Variants in RBP3 observed in about 807,000 individuals in gnomAD.
RBP3 encodes the protein retinol binding protein 3, also known as retinol-binding protein 3.
A neutral mutation model predicts 64.8 loss-of-function variants in RBP3; 50 were observed. That is an observed-to-expected ratio of 0.77 (90% CI 0.61 to 0.98). The LOEUF (loss-of-function observed/expected upper bound fraction) is 0.98. RBP3 is among the 50% of genes least tolerant of loss of function. The pLI is 0.00. For missense variants in RBP3, 1,712 were observed against 1,660.5 expected, an observed-to-expected ratio of 1.03 and a Z score of -0.54; for synonymous variants, 828 against 730.2, an observed-to-expected ratio of 1.13 and a Z score of -2.16.
At chr10:47,353,615 C>T in intron 2 of RBP3, 100 bp downstream of exon 2, 1 of 1,415,846 alleles carries the variant, frequency 7.1e-7, no homozygotes, top group Non-Finnish European at 9.9e-7. Flanking sequence ...AACCCTGTGA[C>T]ACAGCAGAGG....
In RBP3 at chr10:47,348,987, A is replaced by G. The variant is rs1555210933; in HGVS notation, c.503A>G (p.Asp168Gly). ...ATGGGCACCTCCGCCTTAGTGCTGG[A>G]TCTCCGGCACTGCACAGGAGGCCAG... ...NLMGTSALVL[D>G]LRHCTGGQVS... is the part of the protein sequence containing the mutation. The change falls in exon 1 of 4, where the codon GAT becomes GGT. Residue 168 changes from aspartate (D) to glycine (G), a missense_variant. Asp to Gly is a moderately conservative substitution (Grantham distance 94). Coordinates refer to ENST00000584701, the MANE Select transcript of RBP3 (RefSeq NM_002900.3). The G allele has an allele frequency of 6.2e-7, 1 of 1,613,914 alleles. No individual in the cohort carries two copies. Among genetic ancestry groups the G allele is most frequent in the East Asian group, 2.2e-5 (1 of 44,860 alleles).
intron 3 of RBP3, 31 bp from the exon 4 acceptor site, chr10:47,357,071 C>T: frequency 6.3e-7 from 1 of 1,592,522 alleles, no homozygotes; most frequent in South Asian, 1.1e-5. Context: ...CCTGACATGA[C>T]CCCCATCCTG....
chr10:47,352,670 G>C (rs1401217885), intron 1 of RBP3, among the ~76,000 whole-genome samples: 3 of 152,222 alleles, frequency 2.0e-5, no homozygotes, highest in Non-Finnish European at 1.5e-5. Context: ...CTTAGAGAGG[G>C]AGGAGGAGGT....
In RBP3 at chr10:47,348,712, C is replaced by T. The variant is rs564044501; in HGVS notation, c.228C>T (p.Ala76=). The part of the protein sequence containing the change: ...DPQTLASVLT[A]GVQSSLNDPR... ...AGACGCTGGCCAGTGTGCTGACAGCCGGGGTGCAGAGCTCCCTGAACGATC... is the reference window on the plus strand; with the variant it reads ...AGACGCTGGCCAGTGTGCTGACAGCTGGGGTGCAGAGCTCCCTGAACGATC... The change falls in exon 1 of 4, where the codon GCC becomes GCT. Residue 76 remains alanine (A), a synonymous_variant. Transcript: ENST00000584701. 1.5e-5 allele frequency: 24 copies of T among 1,613,600 alleles called. No homozygotes were observed. The highest frequency in any genetic ancestry group is 5.5e-5 in the South Asian group (5 of 91,080).
chr10:47,353,026 T>C (rs782266110), intron 1 of RBP3, among the ~76,000 whole-genome samples: 20 of 152,048 alleles, frequency 1.3e-4, no homozygotes, highest in Non-Finnish European at 2.4e-4. Flanking sequence ...ATAGGAAGTA[T>C]CTGGTAAGGT....
intron 2 of RBP3, among the ~76,000 whole-genome samples, chr10:47,353,982 A>T (rs1169022931): frequency 6.6e-6 from 1 of 152,216 alleles, no homozygotes; most frequent in Non-Finnish European, 1.5e-5. Flanking sequence ...CTCACATCAT[A>T]CAAAATCAAC....
rs532562665 is a variant in RBP3 at position 47,349,897 on chromosome 10, G to A, written c.1413G>A (p.Thr471=). 5.6e-6 allele frequency: 9 copies of A among 1,613,142 alleles called. No individual in the cohort carries two copies. In the East Asian group the frequency reaches 6.7e-5, roughly 12 times the overall value. Residue 471 remains threonine (T), a synonymous_variant, in exon 1 of 4, where the codon ACG becomes ACA. Coordinates refer to ENST00000584701, the MANE Select transcript of RBP3 (RefSeq NM_002900.3). ...LRQVWEPLQD[T]EHLIMDLRHN... ...AGGTGTGGGAGCCGCTACAGGACAC[G>A]GAGCACCTCATCATGGACCTGCGCC... is the stretch of plus-strand genomic sequence containing the variant.
At chr10:47,355,612 AC>A in intron 3 of RBP3, 94 bp downstream of exon 3, 2 of 1,524,480 alleles carry the variant, frequency 1.3e-6, no homozygotes, top group South Asian at 1.2e-5. Flanking sequence ...AGTCATAGTA[AC>A]CAGAATGTAA....
chr10:47,349,795 C>T lies in RBP3; in HGVS notation c.1311C>T (p.Gly437=). The T allele has an allele frequency of 1.9e-6, 3 of 1,613,266 alleles. No individual in the cohort carries two copies. The highest frequency in any genetic ancestry group is 1.6e-4 in the Middle Eastern group (1 of 6,062). Residue 437 remains glycine (G), a synonymous_variant, in exon 1 of 4, where the codon GGC becomes GGT. Transcript: ENST00000584701. ...DSVFQVSVLP[G]NVGYLRFDSF... ...TGTTCCAGGTGTCGGTGCTGCCAGG[C>T]AATGTGGGCTACCTGCGCTTCGATA...
intron 3 of RBP3, among the ~76,000 whole-genome samples, 172 bp downstream of exon 3, chr10:47,355,690 G>T (rs1837037521): frequency 6.6e-6 from 1 of 152,108 alleles, no homozygotes; most frequent in Non-Finnish European, 1.5e-5. Context: ...GTATCACTAT[G>T]CCCGTTTTCT....
chr10:47,353,292 C>A, intron 1 of RBP3, 33 bp from the exon 2 acceptor site: 1 of 1,610,126 alleles, frequency 6.2e-7, no homozygotes, highest in South Asian at 1.1e-5. Context: ...GGCTGCTCCT[C>A]CTGACACTGA....
In RBP3 at chr10:47,350,731, C is replaced by G; in HGVS notation, c.2247C>G (p.Asp749Glu). 1.2e-6 allele frequency: 2 copies of G among 1,613,170 alleles called. No homozygotes were observed. The highest frequency in any genetic ancestry group is 2.2e-5 in the East Asian group (1 of 44,870). The stretch of plus-strand genomic sequence containing the variant: ...GCCAGCTGGGCTACCTGCGTTTTGA[C>G]GCCATGGCTGAACTGGAGACAGTGA... ...LPGQLGYLRF[D>E]AMAELETVKA... Residue 749 changes from aspartate to glutamate, a missense_variant, in exon 1 of 4, where the codon GAC becomes GAG. Physicochemically the swap from Asp to Glu is conservative, Grantham distance 45. Transcript: ENST00000584701.
chr10:47,348,375 C>T lies in RBP3; in HGVS notation c.-110C>T. The T allele has an allele frequency of 7.7e-7, 1 of 1,293,660 alleles. No homozygotes were observed. Among genetic ancestry groups the T allele is most frequent in the Admixed American group, 2.0e-5 (1 of 50,560 alleles). 80.1% of individuals were successfully genotyped at this position (1,293,660 alleles called of 1,614,324 possible). On this transcript the variant is annotated 5_prime_UTR_variant, in exon 1 of 4. Coordinates refer to ENST00000584701, the MANE Select transcript of RBP3 (RefSeq NM_002900.3). The stretch of plus-strand genomic sequence containing the variant: ...GGAGTTTAGCCCCAGACCTTCTGTC[C>T]ACCAGCTGAGAAGGACAAGGGCGGA...
rs146107077 is a variant in RBP3 at position 47,355,613 on chromosome 10, C to G, written c.3388+95C>G. On this transcript the variant is annotated intron_variant, in intron 3 of 3. Coordinates refer to ENST00000584701, the MANE Select transcript of RBP3 (RefSeq NM_002900.3). ...TGGGTGTAGGTAAAAGTCATAGTAA[C>G]CAGAATGTAAGGCCCTGTCCTAGTC... 1,611 of 1,521,732 alleles carry G rather than the reference C, an allele frequency of 1.1e-3. 36 individuals are homozygous for G. In the East Asian group the frequency reaches 0.03, roughly 28 times the overall value. 94.3% of individuals were successfully genotyped at this position (1,521,732 alleles called of 1,614,324 possible).
Position 47,349,167 on chromosome 10 carries a change from T to C in RBP3, c.683T>C (p.Val228Ala). The stretch of plus-strand genomic sequence containing the variant: ...AGGTACGGTGCCGACAAGGATGTGG[T>C]GGTCCTCACCAGCAGCCAGACCAGG... ...GERYGADKDV[V>A]VLTSSQTRGV... Residue 228 changes from valine (V) to alanine (A), a missense_variant, in exon 1 of 4, where the codon GTG (valine) becomes GCG (alanine). Val to Ala is a moderately conservative substitution (Grantham distance 64). Transcript: ENST00000584701. 6.2e-7 allele frequency: 1 copy of C among 1,613,820 alleles called. No homozygotes were observed. Among genetic ancestry groups the C allele is most frequent in the Non-Finnish European group, 8.5e-7 (1 of 1,180,040 alleles).
Position 47,357,374 on chromosome 10 carries a change from G to T in RBP3, c.3661G>T (p.Glu1221Ter), listed in dbSNP as rs555568551. The change falls in exon 4 of 4, where the codon GAG becomes TAG. Residue 1221 changes from glutamate to a stop codon, truncating the protein, a stop_gained. Transcript: ENST00000584701. LOFTEE classifies it low-confidence loss of function (END_TRUNC). ...VTPHVVVPAE[E>*]ALARAKEMLQ... ...ACCCCATGTGGTTGTCCCTGCAGAA[G>T]AGGCTCTCGCCAGGGCCAAGGAGAT... 4 of 1,614,072 alleles carry T rather than the reference G, an allele frequency of 2.5e-6. No homozygotes were observed. Among genetic ancestry groups the T allele is most frequent in the Non-Finnish European group, 3.4e-6 (4 of 1,180,022 alleles).
rs373107096 is a variant in RBP3, at chr10:47,349,417, G to A, written c.933G>A (p.Gln311=). ...VLPCVGTPAE[Q]ALEKALAILT... is the part of the protein sequence containing the mutation. ...CCTGTGTGGGGACTCCGGCCGAGCA[G>A]GCCCTGGAGAAAGCCCTGGCCATCC... Residue 311 remains glutamine (Q), a synonymous_variant, in exon 1 of 4, where the codon CAG becomes CAA. Coordinates refer to ENST00000584701, the MANE Select transcript of RBP3 (RefSeq NM_002900.3). 8 of 1,612,070 alleles carry A rather than the reference G, an allele frequency of 5.0e-6. No homozygotes were observed. Among genetic ancestry groups the A allele is most frequent in the Non-Finnish European group, 5.1e-6 (6 of 1,180,004 alleles).
In RBP3 at chr10:47,348,737, C is replaced by T. The variant is rs1555210886; in HGVS notation, c.253C>T (p.Pro85Ser). Residue 85 changes from proline to serine, a missense_variant, in exon 1 of 4, where the codon CCT becomes TCT. Coordinates refer to ENST00000584701, the MANE Select transcript of RBP3 (RefSeq NM_002900.3). ...TAGVQSSLND[P>S]RLVISYEPST... ...CGGGGTGCAGAGCTCCCTGAACGAT[C>T]CTCGCCTGGTCATCTCCTATGAGCC... 3 of 1,613,610 alleles carry T rather than the reference C, an allele frequency of 1.9e-6. No individual in the cohort carries two copies. Among genetic ancestry groups the T allele is most frequent in the South Asian group, 1.1e-5 (1 of 91,082 alleles).
chr10:47,351,688 T>C, intron 1 of RBP3, 150 bp downstream of exon 1: 1 of 992,604 alleles, frequency 1.0e-6, no homozygotes. Context: ...CTTTCCTCTT[T>C]CTCAACCTGT....
Sources: allele counts gnomAD v4.1 joint callset (sites outside exome capture counted in the v4.1 genomes callset), GRCh38; gene constraint gnomAD v4.1.1; transcripts MANE v1.5; gene names NCBI Gene and HGNC (gene_info 2026-07-23, HGNC 2026-07-21).